Variants in ASXL3 observed in about 807,000 individuals in gnomAD.
The protein encoded by ASXL3 is ASXL transcriptional regulator 3.
A neutral mutation model predicts 170.6 loss-of-function variants in ASXL3; 34 were observed. The observed-to-expected ratio is 0.20, with a 90% confidence interval of 0.15 to 0.27. ASXL3 has a LOEUF of 0.27. Ranked by LOEUF, ASXL3 falls within the 10% of genes least tolerant of loss-of-function variation. ASXL3 has a pLI of 1.00. For missense variants in ASXL3, 2,592 were observed against 2,695.3 expected, an observed-to-expected ratio of 0.96 and a Z score of 0.85; for synonymous variants, 1,002 against 989.1, an observed-to-expected ratio of 1.01 and a Z score of -0.24.
At chr18:33,622,723 G>T (rs927604203) in intron 2 of ASXL3, among the ~76,000 whole-genome samples, 1 of 152,062 alleles carries the variant, frequency 6.6e-6, no homozygotes, top group Non-Finnish European at 1.5e-5. Flanking sequence ...CTGGAAGAAG[G>T]GGCATGCATA....
intron 8 of ASXL3, among the ~76,000 whole-genome samples, chr18:33,699,604 G>A (rs1195278205): frequency 6.6e-6 from 1 of 152,034 alleles, no homozygotes; most frequent in East Asian, 1.9e-4. Context: ...TGAAAAACTA[G>A]TTTGGAGTGG....
chr18:33,590,111 G>GTTTTTTTTTTTTTTTTTT lies in ASXL3; in HGVS notation c.54+11428_54+11445dup, dbSNP rs567969303. ...TGTCGTCAAGGTATTTGCTTTCTAT[G>GTTTTTTTTTTTTTTTTTT]TTTTTTTTTTTTTTTTTTTGCTTTG... On this transcript the variant is annotated intron_variant, in intron 1 of 11. Transcript: ENST00000269197. Among the ~76,000 whole-genome samples the GTTTTTTTTTTTTTTTTTT allele has an allele frequency of 3.1e-3, 261 of 83,088 alleles. 4 individuals carry two copies. The highest frequency in any genetic ancestry group is 0.012 in the African/African-American group (167 of 14,482). 54.5% of individuals were successfully genotyped at this position (83,088 alleles called of 152,430 possible). A position where few individuals can be genotyped will look rare whatever the true frequency, so the allele number is the denominator to read the frequency against.
Position 33,745,351 on chromosome 18 carries a change from G to A in ASXL3, c.5503G>A (p.Val1835Ile), listed in dbSNP as rs993841285. Residue 1835 changes from valine (V) to isoleucine (I), a missense_variant, in exon 12 of 12, where the codon GTA becomes ATA. This residue lies in a region of ASXL3 where 2,246 missense variants were observed against 2,219.6 expected (regional missense o/e 1.01). Coordinates refer to ENST00000269197, the MANE Select transcript of ASXL3 (RefSeq NM_030632.3). ...CCCCAAAAAGAGAGTAGCTAGGACT[G>A]TAGGAGAACACACTCAAGTTAAATG... Reference protein sequence around the residue: ...NHPKKRVARTVGEHTQVKCEP... With the variant: ...NHPKKRVARTIGEHTQVKCEP... 6.2e-7 allele frequency: 1 copy of A among 1,613,994 alleles called. No homozygotes were observed. Among genetic ancestry groups the A allele is most frequent in the Non-Finnish European group, 8.5e-7 (1 of 1,179,890 alleles).
intron 8 of ASXL3, among the ~76,000 whole-genome samples, chr18:33,688,523 A>AT (rs1464382879): frequency 1.3e-5 from 2 of 152,200 alleles, no homozygotes; most frequent in Admixed American, 6.5e-5. Context: ...ATTTGATGAG[A>AT]TTGGGAGATA....
At chr18:33,628,174 G>A (rs2065628060) in intron 2 of ASXL3, among the ~76,000 whole-genome samples, 1 of 152,054 alleles carries the variant, frequency 6.6e-6, no homozygotes. Context: ...TTTTACAGAT[G>A]AGGAAATTGG....
intron 8 of ASXL3, among the ~76,000 whole-genome samples, chr18:33,727,373 C>T (rs980997857): frequency 2.0e-5 from 3 of 152,106 alleles, no homozygotes; most frequent in Admixed American, 1.3e-4. Context: ...CTTCTTCAAA[C>T]ATTGTATGAT....
intron 8 of ASXL3, among the ~76,000 whole-genome samples, chr18:33,708,202 G>A (rs1394430670): frequency 6.6e-6 from 1 of 152,138 alleles, no homozygotes; most frequent in Non-Finnish European, 1.5e-5. Context: ...TTTTCAACAT[G>A]TTAGGAAAAC....
intron 1 of ASXL3, among the ~76,000 whole-genome samples, chr18:33,582,087 T>C (rs2064998068): frequency 6.6e-6 from 1 of 152,150 alleles, no homozygotes; most frequent in South Asian, 2.1e-4. Context: ...TTTCATCTGT[T>C]TTATCTGCTC....
At chr18:33,691,356 C>G (rs12104128) in intron 8 of ASXL3, among the ~76,000 whole-genome samples, 22 of 152,116 alleles carry the variant, frequency 1.4e-4, no homozygotes, top group African/African-American at 5.3e-4. Flanking sequence ...TGTTGCAGCC[C>G]CTAGGCCATA....
chr18:33,580,618 G>A lies in ASXL3; in HGVS notation c.54+1933G>A, dbSNP rs140755489. On this transcript the variant is annotated intron_variant, in intron 1 of 11. Transcript: ENST00000269197. ...TCAGTATATGTTACTATTCTTGAAG[G>A]TACTGTGTTTTATTTGATCTAATAA... Among the ~76,000 whole-genome samples, 905 of 152,212 alleles carry A rather than the reference G, an allele frequency of 5.9e-3. 9 individuals carry two copies. Among genetic ancestry groups the A allele is most frequent in the African/African-American group, 0.021 (859 of 41,528 alleles).
chr18:33,660,873 A>AG (rs2066162260), intron 4 of ASXL3, among the ~76,000 whole-genome samples: 1 of 152,152 alleles, frequency 6.6e-6, no homozygotes, highest in East Asian at 1.9e-4. Context: ...TAGGTTTCAG[A>AG]GAGCAGACAC....
chr18:33,579,593 G>A (rs62090631), intron 1 of ASXL3, among the ~76,000 whole-genome samples: 1 of 152,118 alleles, frequency 6.6e-6, no homozygotes. Flanking sequence ...GTATATGTGT[G>A]GGTTTTTCTT....
intron 1 of ASXL3, among the ~76,000 whole-genome samples, chr18:33,589,656 G>A (rs757233097): frequency 6.6e-6 from 1 of 152,142 alleles, no homozygotes; most frequent in African/African-American, 2.4e-5. Context: ...TCCTTTATAT[G>A]TGCTAGTAAA....
chr18:33,742,600 G>A (rs1416368092), intron 11 of ASXL3, among the ~76,000 whole-genome samples: 2 of 152,082 alleles, frequency 1.3e-5, no homozygotes, highest in Non-Finnish European at 1.5e-5. Context: ...CATGAATTTT[G>A]TATCCATTTG....
At chr18:33,610,952 C>A (rs915406904) in intron 2 of ASXL3, among the ~76,000 whole-genome samples, 1 of 151,948 alleles carries the variant, frequency 6.6e-6, no homozygotes, top group Non-Finnish European at 1.5e-5. Context: ...ACTGTGAAAG[C>A]CACTGGTTTG....
At position 33,644,986 on chromosome 18, in the gene ASXL3, G is replaced by A; in HGVS notation, c.230G>A (p.Gly77Asp). The A allele has an allele frequency of 6.4e-7, 1 of 1,556,344 alleles. No homozygotes were observed. Among genetic ancestry groups the A allele is most frequent in the African/African-American group, 1.4e-5 (1 of 73,488 alleles). Residue 77 changes from glycine (G) to aspartate (D), a missense_variant, in exon 3 of 12, where the codon GGC becomes GAC. This residue lies in a region of ASXL3 where 251 missense variants were observed against 281.9 expected (regional missense o/e 0.89). Coordinates refer to ENST00000269197, the MANE Select transcript of ASXL3 (RefSeq NM_030632.3). ...GTFFKIPGKS[G>D]LYALKKEESS... is the part of the protein sequence containing the mutation. ...TTCTTCAAAATCCCTGGAAAGTCAGGCCTCTATGCTCTCAAAGTAAGTTGC... is the reference window on the plus strand; with the variant it reads ...TTCTTCAAAATCCCTGGAAAGTCAGACCTCTATGCTCTCAAAGTAAGTTGC...
intron 8 of ASXL3, among the ~76,000 whole-genome samples, chr18:33,728,327 T>C (rs1373321467): frequency 6.6e-6 from 1 of 152,188 alleles, no homozygotes; most frequent in Non-Finnish European, 1.5e-5. Flanking sequence ...TGAGTAACTC[T>C]TTCTACCTCT....
At chr18:33,627,130 C>A (rs575715862) in intron 2 of ASXL3, 1 of 152,520 alleles carries the variant, frequency 6.6e-6, no homozygotes, top group African/African-American at 2.4e-5. Flanking sequence ...CCGTAAGGAA[C>A]CCCATAAGAG....
intron 1 of ASXL3, among the ~76,000 whole-genome samples, chr18:33,588,419 G>A (rs2065051616): frequency 6.6e-6 from 1 of 150,516 alleles, no homozygotes; most frequent in African/African-American, 2.5e-5. Flanking sequence ...TCTGGAGAAT[G>A]AGGCCTGATA....
Sources: gnomAD v4.1 joint callset for allele counts (sites outside exome capture counted in the v4.1 genomes callset) on GRCh38, gnomAD v4.1.1 for gene constraint, gnomAD v4.1.1 regional missense constraint, MANE v1.5 for transcripts, NCBI Gene and HGNC (gene_info 2026-07-23, HGNC 2026-07-21) for gene names.